Variants in NRG1 observed in about 807,000 individuals in gnomAD.
NRG1 encodes the protein neuregulin 1.
In NRG1, 18 loss-of-function variants were observed where a neutral mutation model predicts 63.8. The ratio of observed to expected loss-of-function variants is 0.28; its 90% CI spans 0.19 to 0.42. The LOEUF is 0.42. Ranked by LOEUF, NRG1 falls within the 10% of genes least tolerant of loss-of-function variation. The pLI is 1.00. For missense variants in NRG1, 762 were observed against 814.7 expected (o/e 0.94, Z 0.79); for synonymous variants, 302 against 301.3 (o/e 1.00, Z -0.02).
At chr8:32,674,791 C>T (rs776653157) in intron 5 of NRG1, among the ~76,000 whole-genome samples, 6 of 152,080 alleles carry the variant, frequency 3.9e-5, no homozygotes, top group Non-Finnish European at 5.9e-5. Context: ...CCCTCACCTC[C>T]GGAGTTTTAA....
chr8:32,751,349 T>G (rs1199476535), intron 7 of NRG1, among the ~76,000 whole-genome samples: 1 of 152,174 alleles, frequency 6.6e-6, no homozygotes. Context: ...AGCCAAACCA[T>G]GAAGACTCTG....
intron 1 of NRG1, among the ~76,000 whole-genome samples, chr8:32,161,014 G>A (rs1225738904): frequency 6.6e-6 from 1 of 152,102 alleles, no homozygotes; most frequent in Non-Finnish European, 1.5e-5. Context: ...GATCATATAT[G>A]TATAAGGTGA....
intron 1 of NRG1, among the ~76,000 whole-genome samples, chr8:32,284,493 T>TGCCTGCCTG (rs1563269790): frequency 4.4e-4 from 12 of 27,566 alleles, no homozygotes; most frequent in African/African-American, 1.1e-3. Flanking sequence ...CTGCCTGCCT[T>TGCCTGCCTG]CCTTCCTTCC....
intron 1 of NRG1, among the ~76,000 whole-genome samples, chr8:32,327,860 G>C (rs1463027300): frequency 6.6e-6 from 1 of 152,182 alleles, no homozygotes; most frequent in Non-Finnish European, 1.5e-5. Flanking sequence ...TGTCAATAAT[G>C]TTGCAAGCAC....
At chr8:31,966,925 C>A (rs1231636242) in intron 1 of NRG1, among the ~76,000 whole-genome samples, 1 of 152,090 alleles carries the variant, frequency 6.6e-6, no homozygotes, top group African/African-American at 2.4e-5. Flanking sequence ...CCACAAATAA[C>A]CCTAAACCAT....
chr8:32,398,940 T>C (rs28475825), intron 1 of NRG1, among the ~76,000 whole-genome samples: 32,207 of 152,164 alleles, frequency 0.21, 3,421 homozygotes, highest in South Asian at 0.23. Context: ...TTTGAGATTA[T>C]ATATATTGCA....
intron 1 of NRG1, among the ~76,000 whole-genome samples, chr8:32,423,529 C>A (rs969111469): frequency 2.6e-5 from 4 of 152,022 alleles, no homozygotes; most frequent in African/African-American, 9.7e-5. Context: ...CCAGTGGTCC[C>A]AGCTACCCGA....
intron 1 of NRG1, among the ~76,000 whole-genome samples, chr8:31,977,988 G>C (rs1808471660): frequency 6.6e-6 from 1 of 152,040 alleles, no homozygotes; most frequent in African/African-American, 2.4e-5. Context: ...GTGCCTCAAA[G>C]GAAACTCATT....
At chr8:32,484,900 T>C (rs1587914017) in intron 1 of NRG1, among the ~76,000 whole-genome samples, 1 of 152,184 alleles carries the variant, frequency 6.6e-6, no homozygotes, top group African/African-American at 2.4e-5. Flanking sequence ...CCATCATCTA[T>C]CCTTCCACTT....
chr8:31,845,484 T>A (rs1169068050), intron 1 of NRG1, among the ~76,000 whole-genome samples: 2 of 152,200 alleles, frequency 1.3e-5, no homozygotes, highest in East Asian at 3.9e-4. Context: ...TTCTTAATCC[T>A]GAAATGTGGA....
intron 1 of NRG1, among the ~76,000 whole-genome samples, chr8:32,181,261 A>T (rs184417780): frequency 3.1e-4 from 47 of 152,274 alleles, no homozygotes; most frequent in Non-Finnish European, 6.2e-4. Flanking sequence ...TGAAACTCAA[A>T]TCAAATACCC....
chr8:32,431,804 C>G (rs1484023736), intron 1 of NRG1, among the ~76,000 whole-genome samples: 1 of 151,696 alleles, frequency 6.6e-6, no homozygotes, highest in Non-Finnish European at 1.5e-5. Flanking sequence ...ACAGCAATAA[C>G]AACTTGAGTC....
chr8:32,729,831 T>C (rs1823190560), intron 6 of NRG1, among the ~76,000 whole-genome samples: 1 of 152,180 alleles, frequency 6.6e-6, no homozygotes, highest in Admixed American at 6.5e-5. Flanking sequence ...CTGTGGTAGA[T>C]TGGGCGTGTC....
chr8:31,976,644 G>A (rs898800910), intron 1 of NRG1, among the ~76,000 whole-genome samples: 1 of 152,024 alleles, frequency 6.6e-6, no homozygotes, highest in Non-Finnish European at 1.5e-5. Context: ...TAGGGTCAAT[G>A]GGTGAGGATC....
At chr8:32,569,805 T>A (rs1476417706) in intron 1 of NRG1, among the ~76,000 whole-genome samples, 3 of 151,940 alleles carry the variant, frequency 2.0e-5, no homozygotes, top group African/African-American at 7.2e-5. Flanking sequence ...ACCTTGGGGG[T>A]GGGCATCAGT....
At chr8:32,288,835 G>A (rs552176200) in intron 1 of NRG1, among the ~76,000 whole-genome samples, 1 of 152,284 alleles carries the variant, frequency 6.6e-6, no homozygotes, top group South Asian at 2.1e-4. Flanking sequence ...AGGAAAATGT[G>A]ACTCGTTTCT....
At chr8:32,337,748 T>G (rs1160050544) in intron 1 of NRG1, among the ~76,000 whole-genome samples, 10 of 145,088 alleles carry the variant, frequency 6.9e-5, no homozygotes. Flanking sequence ...TACATGGTAG[T>G]GCTAAAGGCC....
intron 1 of NRG1, among the ~76,000 whole-genome samples, chr8:32,210,191 A>G (rs1844547835): frequency 6.6e-6 from 1 of 152,186 alleles, no homozygotes; most frequent in South Asian, 2.1e-4. Flanking sequence ...TCCAGGACCC[A>G]AAGAGGTTTT....
chr8:31,901,210 T>C (rs769587930), intron 1 of NRG1, among the ~76,000 whole-genome samples: 8 of 152,198 alleles, frequency 5.3e-5, no homozygotes, highest in Non-Finnish European at 7.3e-5. Flanking sequence ...GAGTTCACTA[T>C]GTGGTGATAT....
Sources: allele counts gnomAD v4.1 joint callset (sites outside exome capture counted in the v4.1 genomes callset), GRCh38; gene constraint gnomAD v4.1.1; transcripts MANE v1.5; gene names NCBI Gene and HGNC (gene_info 2026-07-23, HGNC 2026-07-21).